Variants in ABI1 observed in about 807,000 individuals in gnomAD.
The protein encoded by ABI1 is abl interactor 1, also known as Abelson interactor 1.
A neutral mutation model predicts 54.6 loss-of-function variants in ABI1; 14 were observed. The ratio of observed to expected loss-of-function variants is 0.26; its 90% CI spans 0.17 to 0.40. ABI1 has a LOEUF of 0.40. Among genes scored for constraint, ABI1 ranks in the 10% least tolerant of loss-of-function variants. ABI1 has a pLI of 1.00. For synonymous variants in ABI1, 194 were observed against 209.3 expected (o/e 0.93, Z 0.63); for missense variants, 443 against 598.3 (o/e 0.74, Z 2.71).
chr10:26,793,400 GACCCATAT>G (rs1162466236), intron 2 of ABI1, among the ~76,000 whole-genome samples: 2 of 152,118 alleles, frequency 1.3e-5, no homozygotes, highest in Non-Finnish European at 2.9e-5. Context: ...GATTCAGAAT[GACCCATAT>G]ACACACCATA....
chr10:26,804,307 C>T (rs377294784), intron 2 of ABI1, among the ~76,000 whole-genome samples: 6 of 151,764 alleles, frequency 4.0e-5, no homozygotes, highest in Admixed American at 1.3e-4. Context: ...CTCTTGAACC[C>T]GGGAGACAGA....
intron 2 of ABI1, among the ~76,000 whole-genome samples, chr10:26,801,613 C>T (rs770498249): frequency 1.3e-5 from 2 of 151,988 alleles, no homozygotes; most frequent in Non-Finnish European, 2.9e-5. Context: ...ATCATACCAG[C>T]AAGTTATTCT....
At position 26,818,114 on chromosome 10, in the gene ABI1, G is replaced by A. The variant is rs1177076333; in HGVS notation, c.285+5024C>T. 7.9e-4 allele frequency among the ~76,000 whole-genome samples: 98 copies of A among 124,498 alleles called. 1 individual carries two copies. Among genetic ancestry groups the A allele is most frequent in the African/African-American group, 2.9e-3 (94 of 32,170 alleles). 81.7% of individuals were successfully genotyped at this position (124,498 alleles called of 152,430 possible). A position where few individuals can be genotyped will look rare whatever the true frequency, so the allele number is the denominator to read the frequency against. On this transcript the variant is annotated intron_variant, in intron 2 of 10. Transcript: ENST00000376140. Reference sequence around the variant, plus strand: ...GCAGAGGTTGCAGTGAGCCAAGATGGTGCCACTGCACTCCAGCTTGGGAGA... The same window carrying A: ...GCAGAGGTTGCAGTGAGCCAAGATGATGCCACTGCACTCCAGCTTGGGAGA...
chr10:26,830,845 A>C (rs1211389610), intron 1 of ABI1, among the ~76,000 whole-genome samples: 1 of 152,174 alleles, frequency 6.6e-6, no homozygotes, highest in Non-Finnish European at 1.5e-5. Flanking sequence ...TAATGTTTTC[A>C]AGTGCTTGTG....
chr10:26,764,916 G>A (rs1354624521), intron 7 of ABI1, among the ~76,000 whole-genome samples: 6 of 152,052 alleles, frequency 3.9e-5, no homozygotes, highest in African/African-American at 4.8e-5. Context: ...AGGGGACCTT[G>A]GAACCAATCC....
chr10:26,749,906 G>C (rs1837396771), intron 10 of ABI1, among the ~76,000 whole-genome samples: 1 of 152,116 alleles, frequency 6.6e-6, no homozygotes, highest in African/African-American at 2.4e-5. Flanking sequence ...TTTACTATCT[G>C]GCTTTATACC....
intron 1 of ABI1, among the ~76,000 whole-genome samples, chr10:26,829,215 G>C (rs1366142073): frequency 6.8e-6 from 1 of 146,634 alleles, no homozygotes; most frequent in Non-Finnish European, 1.5e-5. Flanking sequence ...GACAGAGCGA[G>C]ATTCTGTCTC....
At chr10:26,755,532 TC>T in intron 9 of ABI1, 122 bp downstream of exon 9, 2 of 727,618 alleles carry the variant, frequency 2.7e-6, no homozygotes, top group Non-Finnish European at 4.6e-6. Context: ...CAGTAACATG[TC>T]TGCACCTATT....
chr10:26,778,013 A>G (rs11015280), intron 2 of ABI1, among the ~76,000 whole-genome samples: 9,354 of 152,114 alleles, frequency 0.061, 430 homozygotes, highest in East Asian at 0.19. Flanking sequence ...GGCTTTACAG[A>G]GTAGGTACCT....
At chr10:26,823,409 T>C (rs1260334630) in intron 1 of ABI1, 104 bp from the exon 2 acceptor site, 1 of 926,938 alleles carries the variant, frequency 1.1e-6, no homozygotes, top group African/African-American at 1.8e-5. Flanking sequence ...AGAAATTCAA[T>C]AAAAAAAAAC....
At chr10:26,828,053 A>ATT (rs1247987011) in intron 1 of ABI1, among the ~76,000 whole-genome samples, 5 of 152,170 alleles carry the variant, frequency 3.3e-5, no homozygotes, top group Admixed American at 3.3e-4. Context: ...CTAAGCTCCC[A>ATT]TTAGTAGTTT....
At chr10:26,830,025 T>C (rs1589010212) in intron 1 of ABI1, among the ~76,000 whole-genome samples, 1 of 152,170 alleles carries the variant, frequency 6.6e-6, no homozygotes, top group African/African-American at 2.4e-5. Flanking sequence ...AGTTTTGCCT[T>C]TTCTAGAGTT....
At chr10:26,792,233 A>G (rs1434857529) in intron 2 of ABI1, among the ~76,000 whole-genome samples, 1 of 152,250 alleles carries the variant, frequency 6.6e-6, no homozygotes, top group Non-Finnish European at 1.5e-5. Flanking sequence ...GATTTATTAT[A>G]TATGCATAAC....
At chr10:26,819,030 C>T (rs547042127) in intron 2 of ABI1, among the ~76,000 whole-genome samples, 49 of 152,194 alleles carry the variant, frequency 3.2e-4, no homozygotes, top group Non-Finnish European at 6.3e-4. Flanking sequence ...ACCAACAGCC[C>T]TAAGACAGGA....
At chr10:26,796,758 C>T (rs1267180300) in intron 2 of ABI1, among the ~76,000 whole-genome samples, 1 of 152,226 alleles carries the variant, frequency 6.6e-6, no homozygotes, top group African/African-American at 2.4e-5. Context: ...CATAACACAG[C>T]AGTCCCCTTT....
At chr10:26,765,362 A>C in intron 6 of ABI1, 44 bp from the exon 7 acceptor site, 1 of 1,405,520 alleles carries the variant, frequency 7.1e-7, no homozygotes. Flanking sequence ...TTCTAGAGAC[A>C]TATTTAAAAA....
intron 1 of ABI1, among the ~76,000 whole-genome samples, chr10:26,833,188 G>T (rs1244119752): frequency 6.6e-6 from 1 of 152,172 alleles, no homozygotes; most frequent in Non-Finnish European, 1.5e-5. Flanking sequence ...TCACACAGTT[G>T]TGACTGACAG....
intron 2 of ABI1, among the ~76,000 whole-genome samples, chr10:26,813,363 T>A (rs1348819807): frequency 6.8e-6 from 1 of 148,102 alleles, no homozygotes; most frequent in Admixed American, 6.8e-5. Flanking sequence ...ATGGGGATAA[T>A]GGCACCAAAA....
At chr10:26,856,649 C>T (rs2050843928) in intron 1 of ABI1, among the ~76,000 whole-genome samples, 1 of 152,044 alleles carries the variant, frequency 6.6e-6, no homozygotes, top group African/African-American at 2.4e-5. Context: ...GGATGATATC[C>T]CCTTCATACT....
Sources: allele counts gnomAD v4.1 joint callset (sites outside exome capture counted in the v4.1 genomes callset), GRCh38; gene constraint gnomAD v4.1.1; transcripts MANE v1.5; gene names NCBI Gene and HGNC (gene_info 2026-07-23, HGNC 2026-07-21).